The following ZC4H2 variants were observed in gnomAD, a reference collection of about 807,000 sequenced individuals.
The protein encoded by ZC4H2 is zinc finger C4H2-type containing.
For synonymous variants in ZC4H2, 84 were observed against 66.3 expected (o/e 1.27, Z -1.30); for missense variants, 137 against 173.9 (o/e 0.79, Z 1.19).
chrX:64,935,533 T>C (rs982910476), intron 1 of ZC4H2, among the ~76,000 whole-genome samples: 1 of 111,939 alleles, frequency 8.9e-6, no homozygotes, highest in Non-Finnish European at 1.9e-5. Context: ...GAGTGGGAGA[T>C]ACCTCTCAGT....
intron 4 of ZC4H2, chrX:64,918,124 A>C: frequency 3.0e-6 from 1 of 330,781 alleles, no homozygotes; most frequent in Non-Finnish European, 5.2e-6. Context: ...CTAGAAAGTA[A>C]GGCAAAATGA....
intron 3 of ZC4H2, 43 bp from the exon 4 acceptor site, chrX:64,919,247 T>G: frequency 8.4e-7 from 1 of 1,192,456 alleles, no homozygotes; most frequent in South Asian, 1.8e-5. Context: ...CTGAAAGCAA[T>G]GAGAACCTTG....
Position 64,976,444 on chromosome X carries a change from A to G in ZC4H2, c.-67T>C. ...ACACCAGCCAAGGGATACAATAGACACAATGTAGCCACCTCCTCCGGGCTT... is the reference window on the plus strand; with the variant it reads ...ACACCAGCCAAGGGATACAATAGACGCAATGTAGCCACCTCCTCCGGGCTT... On this transcript the variant is annotated 5_prime_UTR_variant, in exon 1 of 5. Transcript: ENST00000374839. 3 of 1,110,762 alleles carry G rather than the reference A, an allele frequency of 2.7e-6. No individual in the cohort carries two copies. The highest frequency in any genetic ancestry group is 3.7e-5 in the South Asian group (2 of 54,595). 91.5% of individuals were successfully genotyped at this position (1,110,762 alleles called of 1,213,427 possible).
At chrX:64,931,718 C>T (rs1929755063) in intron 1 of ZC4H2, among the ~76,000 whole-genome samples, 3 of 111,269 alleles carry the variant, frequency 2.7e-5, no homozygotes. Flanking sequence ...TGAGAAAATG[C>T]TTGATATAAT....
chrX:64,998,575 G>A (rs1241958829), intron 1 of ZC4H2, among the ~76,000 whole-genome samples: 2 of 111,614 alleles, frequency 1.8e-5, no homozygotes, highest in African/African-American at 6.5e-5. Context: ...ATATGCACTT[G>A]AGAAAAATGT....
Position 64,960,705 on chromosome X carries a change from T to G in ZC4H2, c.53+15620A>C, listed in dbSNP as rs1245320799. On this transcript the variant is annotated intron_variant, in intron 1 of 4. Transcript: ENST00000374839. ...CACTATTTCTGGCATCCATTCACAC[T>G]TTACTATTACCAGATGTACAAATAA... Among the ~76,000 whole-genome samples the G allele has an allele frequency of 5.4e-5, 6 of 112,112 alleles. No individual in the cohort carries two copies. The East Asian group carries it at 1.7e-3, about 31-fold the overall frequency.
At position 65,021,826 on chromosome X, in the gene ZC4H2, T is replaced by C. The variant is rs867502377; in HGVS notation, c.-272+12803A>G. The stretch of plus-strand genomic sequence containing the variant: ...AGAGAAGAATCAAATAGCTGCAATA[T>C]AAAATGATAAAGGGGATATCACCAC... On this transcript the variant is annotated intron_variant, in intron 1 of 4. Transcript: ENST00000337990. Among the ~76,000 whole-genome samples the C allele has an allele frequency of 4.6e-5, 5 of 109,151 alleles. No homozygotes were observed. The South Asian group carries it at 1.9e-3, about 41-fold the overall frequency. 94.8% of individuals were successfully genotyped at this position (109,151 alleles called of 115,157 possible). A position where few individuals can be genotyped will look rare whatever the true frequency, so the allele number is the denominator to read the frequency against.
rs58094683 is a variant in ZC4H2, at chrX:64,999,039, G to GTTTTTTTTTTTTTTT, written c.-272+35575_-272+35589dup. On this transcript the variant is annotated intron_variant, in intron 1 of 4. Transcript: ENST00000337990. ...TAGACAGCATACAGTTGGATTATGT[G>GTTTTTTTTTTTTTTT]TTTTTTTTTTTTTTTTTTTTTTTTT... Among the ~76,000 whole-genome samples the GTTTTTTTTTTTTTTT allele has an allele frequency of 7.6e-4, 9 of 11,853 alleles. 2 individuals are homozygous for GTTTTTTTTTTTTTTT. The highest frequency in any genetic ancestry group is 1.1e-3 in the African/African-American group (4 of 3,536). 10.3% of individuals were successfully genotyped at this position (11,853 alleles called of 115,157 possible). A position where few individuals can be genotyped will look rare whatever the true frequency, so the allele number is the denominator to read the frequency against.
At chrX:65,005,274 A>C (rs1932632657) in intron 1 of ZC4H2, among the ~76,000 whole-genome samples, 1 of 111,435 alleles carries the variant, frequency 9.0e-6, no homozygotes, top group Admixed American at 9.5e-5. Flanking sequence ...CATACCCAAG[A>C]CAATTATAAG....
chrX:64,924,811 G>A lies in ZC4H2; in HGVS notation c.54-2823C>T, dbSNP rs111480628. Among the ~76,000 whole-genome samples the A allele has an allele frequency of 7.2e-3, 798 of 111,124 alleles. 9 individuals are homozygous for A. Among genetic ancestry groups the A allele is most frequent in the African/African-American group, 0.025 (756 of 30,595 alleles). On this transcript the variant is annotated intron_variant, in intron 1 of 4. Transcript: ENST00000374839. ...TGTGGCTGGAGCACCTACTGCAAGA[G>A]GGAGAGGGGCCTAGATAAAACTAGG...
chrX:64,920,159 T>C lies in ZC4H2; in HGVS notation c.320A>G (p.His107Arg). The C allele has an allele frequency of 8.3e-7, 1 of 1,211,755 alleles. No homozygotes were observed. Residue 107 changes from histidine to arginine, a missense_variant, in exon 3 of 5, where the codon CAT (histidine) becomes CGT (arginine). Physicochemically the swap from His to Arg is conservative, Grantham distance 29. Transcript: ENST00000374839. ...LHDEYKPLKE[H>R]VDALRMTLGL... ...CAGAGTCATGCGCAGGGCATCCACA[T>C]GTTCTTTCAGTGGCTTATACTCATC...
intron 1 of ZC4H2, among the ~76,000 whole-genome samples, chrX:64,955,927 C>T (rs1211613794): frequency 8.9e-6 from 1 of 111,884 alleles, no homozygotes; most frequent in African/African-American, 3.2e-5. Context: ...TCTTAACCCA[C>T]ATCATGGGTT....
At chrX:64,919,988 G>A in intron 3 of ZC4H2, 93 bp downstream of exon 3, 19 of 964,785 alleles carry the variant, frequency 2.0e-5, no homozygotes, top group Non-Finnish European at 2.6e-5. Flanking sequence ...TAGGCTTTGT[G>A]TATGTATACC....
intron 1 of ZC4H2, among the ~76,000 whole-genome samples, chrX:64,943,152 G>A (rs1930371894): frequency 8.9e-6 from 1 of 111,895 alleles, no homozygotes; most frequent in South Asian, 3.7e-4. Flanking sequence ...TTTTGAATGA[G>A]TTTCTTAATC....
chrX:64,939,168 T>A (rs1337600005), intron 1 of ZC4H2, among the ~76,000 whole-genome samples: 1 of 111,932 alleles, frequency 8.9e-6, no homozygotes, highest in South Asian at 3.7e-4. Flanking sequence ...AGCCAAATCA[T>A]GAGTGAACTC....
intron 1 of ZC4H2, among the ~76,000 whole-genome samples, chrX:64,937,865 T>C (rs1354239513): frequency 3.6e-5 from 4 of 110,788 alleles, no homozygotes; most frequent in Non-Finnish European, 7.6e-5. Flanking sequence ...AACATCACAA[T>C]GAAAAGAACT....
intron 1 of ZC4H2, among the ~76,000 whole-genome samples, chrX:64,930,153 T>G (rs1929675992): frequency 8.9e-6 from 1 of 111,850 alleles, no homozygotes; most frequent in Admixed American, 9.5e-5. Context: ...GTTGACTTCT[T>G]GATTTAATTC....
At chrX:64,930,622 T>A (rs926839989) in intron 1 of ZC4H2, among the ~76,000 whole-genome samples, 6 of 112,269 alleles carry the variant, frequency 5.3e-5, no homozygotes, top group African/African-American at 1.9e-4. Flanking sequence ...ATTGAGCTAA[T>A]CATATGATTT....
At chrX:64,954,309 AAAGTAT>A (rs1220225651) in intron 1 of ZC4H2, among the ~76,000 whole-genome samples, 1 of 76,158 alleles carries the variant, frequency 1.3e-5, no homozygotes, top group Non-Finnish European at 2.2e-5. Flanking sequence ...CCTAAAACTT[AAAGTAT>A]AATTATATAT....
Sources: gnomAD v4.1 joint callset for allele counts (sites outside exome capture counted in the v4.1 genomes callset) on GRCh38, gnomAD v4.1.1 for gene constraint, MANE v1.5 for transcripts, NCBI Gene and HGNC (gene_info 2026-07-23, HGNC 2026-07-21) for gene names.